Variants in BNC2 observed in about 807,000 individuals in gnomAD.
BNC2 encodes the protein basonuclin zinc finger protein 2.
In BNC2, 20 loss-of-function variants were observed where a neutral mutation model predicts 76.3. The observed-to-expected ratio is 0.26, with a 90% CI of 0.18 to 0.38. The LOEUF is 0.38. BNC2 is among the 10% of genes least tolerant of loss of function. The pLI is 1.00. For missense variants in BNC2, 1,382 were observed against 1,399.8 expected (o/e 0.99, Z 0.20); for synonymous variants, 582 against 514.8 (o/e 1.13, Z -1.77).
chr9:16,788,552 C>CA (rs397960619), intron 1 of BNC2, among the ~76,000 whole-genome samples: 16,246 of 80,250 alleles, frequency 0.2, 1,564 homozygotes, highest in East Asian at 0.5. Context: ...CACTCCTTCT[C>CA]AAAAAAAAAA....
chr9:16,519,758 G>C (rs941160351), intron 5 of BNC2, among the ~76,000 whole-genome samples: 1 of 152,176 alleles, frequency 6.6e-6, no homozygotes, highest in Admixed American at 6.5e-5. Context: ...TCACAGAAGA[G>C]AAAAGTGAGG....
intron 1 of BNC2, among the ~76,000 whole-genome samples, chr9:16,802,202 G>C (rs1817801355): frequency 1.3e-5 from 2 of 152,328 alleles, no homozygotes; most frequent in South Asian, 4.1e-4. Context: ...TTCAGCAAGT[G>C]CCTGTCATGT....
intron 5 of BNC2, among the ~76,000 whole-genome samples, chr9:16,472,226 G>T (rs1434152057): frequency 1.3e-5 from 2 of 152,202 alleles, no homozygotes; most frequent in Non-Finnish European, 2.9e-5. Flanking sequence ...GACAGTACAG[G>T]TATATAACCT....
chr9:16,636,861 G>A (rs1342227479), intron 3 of BNC2, among the ~76,000 whole-genome samples: 2 of 152,168 alleles, frequency 1.3e-5, no homozygotes, highest in East Asian at 1.9e-4. Context: ...CAATAAACTA[G>A]AAGAGTGTTC....
intron 1 of BNC2, among the ~76,000 whole-genome samples, chr9:16,823,031 C>T (rs925960518): frequency 6.6e-6 from 1 of 152,154 alleles, no homozygotes; most frequent in Non-Finnish European, 1.5e-5. Flanking sequence ...CTCCTCCACA[C>T]AATGATTGAA....
rs760522381 is a variant in BNC2, at chr9:16,436,677, C to A, written c.1517G>T (p.Arg506Leu). The part of the protein sequence containing the change: ...RLHMPMLRNN[R>L]DKDLIRATSG... ...GGTGGCCCGAATTAAATCTTTATCTCGGTTATTCCTTAGCATAGGCATGTG... is the reference window on the plus strand; with the variant it reads ...GGTGGCCCGAATTAAATCTTTATCTAGGTTATTCCTTAGCATAGGCATGTG... The change falls in exon 6 of 7, where the codon CGA becomes CTA. Residue 506 changes from arginine (R) to leucine (L), a missense_variant. Coordinates refer to ENST00000380672, the MANE Select transcript of BNC2 (RefSeq NM_017637.6). The A allele has an allele frequency of 6.2e-7, 1 of 1,614,020 alleles. No individual in the cohort carries two copies. Among genetic ancestry groups the A allele is most frequent in the Non-Finnish European group, 8.5e-7 (1 of 1,180,014 alleles).
intron 3 of BNC2, among the ~76,000 whole-genome samples, chr9:16,642,976 T>C (rs112054270): frequency 2.6e-5 from 4 of 152,184 alleles, no homozygotes; most frequent in African/African-American, 9.6e-5. Flanking sequence ...AGAATATGAG[T>C]ATACTTAATT....
At chr9:16,645,896 A>C (rs10810581) in intron 3 of BNC2, among the ~76,000 whole-genome samples, 1 of 151,876 alleles carries the variant, frequency 6.6e-6, no homozygotes, top group Non-Finnish European at 1.5e-5. Flanking sequence ...CCATTCTGGG[A>C]CTTCTGAGGC....
At chr9:16,755,639 A>G (rs1456301592) in intron 1 of BNC2, among the ~76,000 whole-genome samples, 1 of 152,066 alleles carries the variant, frequency 6.6e-6, no homozygotes, top group East Asian at 1.9e-4. Flanking sequence ...GTCTATATTT[A>G]GCCTAGATCT....
At chr9:16,760,676 G>A (rs755614696) in intron 1 of BNC2, among the ~76,000 whole-genome samples, 1 of 152,168 alleles carries the variant, frequency 6.6e-6, no homozygotes, top group Non-Finnish European at 1.5e-5. Flanking sequence ...GTTGGACCAT[G>A]TAAGAAATCA....
chr9:16,509,693 T>A (rs190830275), intron 5 of BNC2, among the ~76,000 whole-genome samples: 9 of 152,332 alleles, frequency 5.9e-5, no homozygotes, highest in Admixed American at 2.6e-4. Context: ...CCAAAACCTG[T>A]CAAATTTCTA....
chr9:16,822,329 T>C (rs77399048), intron 1 of BNC2, among the ~76,000 whole-genome samples: 2,426 of 152,202 alleles, frequency 0.016, 81 homozygotes, highest in African/African-American at 0.055. Context: ...ATACCTAAAA[T>C]AGGCCTTTCT....
At chr9:16,425,908 A>G (rs1241073742) in intron 6 of BNC2, among the ~76,000 whole-genome samples, 1 of 152,230 alleles carries the variant, frequency 6.6e-6, no homozygotes, top group African/African-American at 2.4e-5. Flanking sequence ...TAGAATTGAT[A>G]TCCAGCAGCC....
intron 3 of BNC2, among the ~76,000 whole-genome samples, chr9:16,693,848 T>C (rs1051703994): frequency 1.3e-5 from 2 of 152,186 alleles, no homozygotes; most frequent in African/African-American, 2.4e-5. Context: ...AGAAATTATG[T>C]GGGGACAGAC....
chr9:16,664,830 T>C (rs1822220980), intron 3 of BNC2, among the ~76,000 whole-genome samples: 2 of 151,520 alleles, frequency 1.3e-5, no homozygotes, highest in African/African-American at 4.9e-5. Flanking sequence ...TCAGAATTCA[T>C]GTCCACGTGA....
At chr9:16,794,246 A>G (rs928480695) in intron 1 of BNC2, among the ~76,000 whole-genome samples, 1 of 152,138 alleles carries the variant, frequency 6.6e-6, no homozygotes, top group Admixed American at 6.5e-5. Flanking sequence ...AACTCTCACT[A>G]CCGTCCCCCA....
chr9:16,616,790 G>GGAAGGAA lies in BNC2; in HGVS notation c.331-33706_331-33705insTTCCTTC, dbSNP rs1820712519. On this transcript the variant is annotated intron_variant, in intron 3 of 6. Transcript: ENST00000380672. ...GGATGGGAGGGGAGGGGAGGAAGGA[G>GGAAGGAA]GGAAGGAAGGAAGGAAGGAAGGAAG... Among the ~76,000 whole-genome samples the GGAAGGAA allele has an allele frequency of 6.8e-4, 7 of 10,338 alleles. 2 individuals are homozygous for GGAAGGAA. The South Asian group carries it at 0.017, about 26-fold the overall frequency. 6.8% of individuals were successfully genotyped at this position (10,338 alleles called of 152,430 possible).
intron 6 of BNC2, among the ~76,000 whole-genome samples, chr9:16,433,399 T>A (rs1454157816): frequency 2.0e-5 from 3 of 152,210 alleles, no homozygotes; most frequent in Admixed American, 1.3e-4. Flanking sequence ...ATCAACTGTC[T>A]TCTGAAGCTT....
Position 16,416,922 on chromosome 9 carries a change from G to C in BNC2, c.*2067C>G, listed in dbSNP as rs878871170. The C allele has an allele frequency of 6.6e-6, 1 of 152,426 alleles. No homozygotes were observed. The allele number at this position is 152,426 out of a possible 1,614,324, so 9.4% of individuals were successfully genotyped here. ...ACAGTTTCCTTTGGCAAATTTAACG[G>C]AAGTGAATGCTGATGTGAACATAGA... On this transcript the variant is annotated 3_prime_UTR_variant, in exon 7 of 7. Coordinates refer to ENST00000380672, the MANE Select transcript of BNC2 (RefSeq NM_017637.6).
Sources: allele counts gnomAD v4.1 joint callset (sites outside exome capture counted in the v4.1 genomes callset), GRCh38; gene constraint gnomAD v4.1.1; transcripts MANE v1.5; gene names NCBI Gene and HGNC (gene_info 2026-07-23, HGNC 2026-07-21).